The following ADAM12 variants were observed in gnomAD, a reference collection of about 807,000 sequenced individuals.
ADAM12 encodes ADAM metallopeptidase domain 12.
ADAM12 carries 70 observed loss-of-function variants against 106.4 expected under a neutral mutation model. That is an observed-to-expected ratio of 0.66 (90% CI 0.54 to 0.80). The LOEUF (loss-of-function observed/expected upper bound fraction) is 0.80, where lower values mean the gene tolerates loss of function less well. ADAM12 is among the 30% of genes least tolerant of loss of function. The pLI, the probability that ADAM12 is intolerant of heterozygous loss-of-function variation, is 0.00. For synonymous variants in ADAM12, 420 were observed against 433.5 expected (o/e 0.97, Z 0.39); for missense variants, 1,010 against 1,171.9 (o/e 0.86, Z 2.02).
chr10:126,147,013 A>G (rs962965358), intron 4 of ADAM12, among the ~76,000 whole-genome samples: 1 of 152,208 alleles, frequency 6.6e-6, no homozygotes, highest in Non-Finnish European at 1.5e-5. Context: ...TGTAGAAGAT[A>G]CTATCCCTTT....
chr10:126,216,289 C>T (rs1232979089), intron 3 of ADAM12, among the ~76,000 whole-genome samples: 1 of 152,196 alleles, frequency 6.6e-6, no homozygotes, highest in Non-Finnish European at 1.5e-5. Flanking sequence ...GATAAAACTT[C>T]GCCCTAGCCA....
chr10:126,344,187 T>C (rs1281162720), intron 1 of ADAM12, among the ~76,000 whole-genome samples: 2 of 152,190 alleles, frequency 1.3e-5, no homozygotes, highest in Non-Finnish European at 2.9e-5. Context: ...CCATCTTGAA[T>C]TAATTTTTGT....
At chr10:126,119,695 C>T (rs1452152662) in intron 5 of ADAM12, among the ~76,000 whole-genome samples, 2 of 152,204 alleles carry the variant, frequency 1.3e-5, no homozygotes, top group African/African-American at 2.4e-5. Flanking sequence ...GCTGAAGACT[C>T]TAACTTGCAG....
At chr10:126,101,301 T>A in intron 8 of ADAM12, 60 bp from the exon 9 acceptor site, 1 of 1,554,328 alleles carries the variant, frequency 6.4e-7, no homozygotes. Context: ...AAACTCGAAA[T>A]GAAAATTAGA....
chr10:126,170,926 C>T (rs750805154), intron 3 of ADAM12, among the ~76,000 whole-genome samples: 1 of 152,198 alleles, frequency 6.6e-6, no homozygotes, highest in Non-Finnish European at 1.5e-5. Context: ...AGATCTAATG[C>T]TGTCGAGAAC....
At chr10:126,330,228 A>G (rs1363846984) in intron 2 of ADAM12, among the ~76,000 whole-genome samples, 184 bp downstream of exon 2, 2 of 152,254 alleles carry the variant, frequency 1.3e-5, no homozygotes, top group Non-Finnish European at 2.9e-5. Flanking sequence ...TGGATCCCTC[A>G]TCAGCACTGT....
At chr10:126,114,524 G>C (rs373724924) in intron 6 of ADAM12, among the ~76,000 whole-genome samples, 304 of 152,274 alleles carry the variant, frequency 2.0e-3, no homozygotes, top group African/African-American at 7.1e-3. Flanking sequence ...TTGTCGCCCA[G>C]GCTAGAGTGC....
chr10:126,079,624 A>C (rs1955173894), intron 11 of ADAM12, among the ~76,000 whole-genome samples: 1 of 152,192 alleles, frequency 6.6e-6, no homozygotes, highest in Admixed American at 6.5e-5. Flanking sequence ...ACTGGAAACA[A>C]CTTCCCTAGA....
chr10:126,306,711 G>A (rs970246810), intron 2 of ADAM12, among the ~76,000 whole-genome samples: 3 of 151,912 alleles, frequency 2.0e-5, no homozygotes, highest in Non-Finnish European at 2.9e-5. Context: ...TTCTTCTGGC[G>A]GTTTCTATTG....
intron 3 of ADAM12, 24 bp downstream of exon 3, chr10:126,278,891 T>A (rs779807727): frequency 4.5e-6 from 7 of 1,561,744 alleles, no homozygotes; most frequent in Non-Finnish European, 6.2e-6. Flanking sequence ...TCTCCTATCA[T>A]GCAATAAACA....
chr10:126,113,090 C>T (rs1955900527), intron 6 of ADAM12, among the ~76,000 whole-genome samples: 1 of 152,014 alleles, frequency 6.6e-6, no homozygotes. Flanking sequence ...AGTGGGCAGG[C>T]CAAAGGTAGC....
chr10:126,369,303 C>T (rs779283840), intron 1 of ADAM12, among the ~76,000 whole-genome samples: 10 of 152,202 alleles, frequency 6.6e-5, no homozygotes, highest in Non-Finnish European at 1.5e-4. Context: ...GTGCTAGGCA[C>T]GGGGGACCCA....
intron 11 of ADAM12, among the ~76,000 whole-genome samples, chr10:126,079,372 T>C (rs1955167174): frequency 6.6e-6 from 1 of 152,146 alleles, no homozygotes; most frequent in Non-Finnish European, 1.5e-5. Context: ...GAATCTGCTT[T>C]CTGTCTCTAC....
At chr10:126,107,826 C>T (rs965145731) in intron 8 of ADAM12, among the ~76,000 whole-genome samples, 1 of 152,140 alleles carries the variant, frequency 6.6e-6, no homozygotes, top group Non-Finnish European at 1.5e-5. Flanking sequence ...CTCCAATATG[C>T]GGGGCTTGTG....
intron 3 of ADAM12, among the ~76,000 whole-genome samples, chr10:126,260,651 G>A (rs990349778): frequency 3.4e-4 from 52 of 152,314 alleles, no homozygotes; most frequent in African/African-American, 1.2e-3. Context: ...TGTGAAAAGT[G>A]GACAGAGGGT....
chr10:126,256,890 C>A (rs1324699105), intron 3 of ADAM12, among the ~76,000 whole-genome samples: 1 of 145,338 alleles, frequency 6.9e-6, no homozygotes, highest in Non-Finnish European at 1.5e-5. Flanking sequence ...AAATACTGTT[C>A]CTGCACCTTT....
intron 11 of ADAM12, among the ~76,000 whole-genome samples, chr10:126,077,984 T>G (rs7077778): frequency 0.021 from 3,179 of 152,264 alleles, 122 homozygotes; most frequent in African/African-American, 0.073. Context: ...TGAAAATTAC[T>G]TCAAATCTTA....
rs4019511 is a variant in ADAM12 at position 126,321,905 on chromosome 10, CG to C, written c.186+8506del. ...CTCGCTTAACTTTCTACCTGGGGGT[CG>C]GGGGGGGGGCTTCAGCAACCTCATG... On this transcript the variant is annotated intron_variant, in intron 2 of 22. Coordinates refer to ENST00000448723, the MANE Select transcript of ADAM12 (RefSeq NM_001288973.2). Among the ~76,000 whole-genome samples, 514 of 94,064 alleles carry C rather than the reference CG, an allele frequency of 5.5e-3. 5 individuals are homozygous for C. Among genetic ancestry groups the C allele is most frequent in the African/African-American group, 0.015 (416 of 26,974 alleles). 61.7% of individuals were successfully genotyped at this position (94,064 alleles called of 152,430 possible). A position where few individuals can be genotyped will look rare whatever the true frequency, so the allele number is the denominator to read the frequency against.
chr10:126,159,409 T>C (rs1003488308), intron 3 of ADAM12, among the ~76,000 whole-genome samples: 4 of 152,018 alleles, frequency 2.6e-5, no homozygotes, highest in Non-Finnish European at 5.9e-5. Flanking sequence ...TATTAATTAT[T>C]ACATATATTA....
Sources: gnomAD v4.1 joint callset for allele counts (sites outside exome capture counted in the v4.1 genomes callset) on GRCh38, gnomAD v4.1.1 for gene constraint, MANE v1.5 for transcripts, NCBI Gene and HGNC (gene_info 2026-07-23, HGNC 2026-07-21) for gene names.